The following CHFR variants were observed in gnomAD, a reference collection of about 807,000 sequenced individuals.
CHFR encodes the protein checkpoint with forkhead and ring finger domains.
Under a neutral mutation model 87.6 loss-of-function variants are expected in CHFR, and 57 were observed. The ratio of observed to expected loss-of-function variants is 0.65; its 90% CI spans 0.53 to 0.81. CHFR has a LOEUF of 0.81. Among genes scored for constraint, CHFR ranks in the 30% least tolerant of loss-of-function variants. CHFR has a pLI of 0.00. For synonymous variants in CHFR, 381 were observed against 359.2 expected (o/e 1.06, Z -0.69); for missense variants, 797 against 865.8 (o/e 0.92, Z 1.00).
rs1325326383 is a variant in CHFR, at chr12:132,835,581, G to A, written c.*5973C>T. 1.7e-5 allele frequency: 3 copies of A among 175,780 alleles called. No homozygotes were observed. Among genetic ancestry groups the A allele is most frequent in the Non-Finnish European group, 3.7e-5 (3 of 81,898 alleles). The allele number at this position is 175,780 out of a possible 1,614,324, so 10.9% of individuals were successfully genotyped here. A position where few individuals can be genotyped will look rare whatever the true frequency, so the allele number is the denominator to read the frequency against. On this transcript the variant is annotated 3_prime_UTR_variant, in exon 18 of 18. Transcript: ENST00000450056. ...CAAACACGCATGAAGAGAAGATGAC[G>A]TGAGAACTCAAGGAGATGCTGCCCA... is the stretch of plus-strand genomic sequence containing the variant.
chr12:132,844,323 C>T (rs11147106), intron 15 of CHFR, among the ~76,000 whole-genome samples, 189 bp from the exon 16 acceptor site: 31,365 of 152,166 alleles, frequency 0.21, 3,458 homozygotes, highest in African/African-American at 0.27. Flanking sequence ...CTCGCTCTGT[C>T]GCCCTGGCTG....
chr12:132,850,269 A>G (rs962581515), intron 12 of CHFR, among the ~76,000 whole-genome samples: 1 of 110,516 alleles, frequency 9.0e-6, no homozygotes, highest in Non-Finnish European at 2.2e-5. Context: ...CCTAAAATAT[A>G]ATGTTAGGTA....
At chr12:132,862,820 T>C (rs1046668495) in intron 6 of CHFR, among the ~76,000 whole-genome samples, 1 of 151,596 alleles carries the variant, frequency 6.6e-6, no homozygotes, top group Non-Finnish European at 1.5e-5. Context: ...GACCTCATGA[T>C]CCACCTGCCT....
At chr12:132,883,199 G>A (rs944172502) in intron 2 of CHFR, among the ~76,000 whole-genome samples, 1 of 151,880 alleles carries the variant, frequency 6.6e-6, no homozygotes, top group Admixed American at 6.6e-5. Flanking sequence ...AGGCCGAGGC[G>A]GGAGGATCAC....
intron 3 of CHFR, among the ~76,000 whole-genome samples, chr12:132,876,569 G>A (rs999711860): frequency 6.6e-6 from 1 of 152,142 alleles, no homozygotes; most frequent in African/African-American, 2.4e-5. Flanking sequence ...TTTAAAAAAT[G>A]ATTTTTTGAT....
Position 132,856,877 on chromosome 12 carries a change from C to T in CHFR, c.1067-247G>A, listed in dbSNP as rs143399245. On this transcript the variant is annotated intron_variant, in intron 9 of 17. Coordinates refer to ENST00000450056, the MANE Select transcript of CHFR (RefSeq NM_001161346.2). ...ATGCCTGGGTGCTGGTGTGTGGATG[C>T]CCTCACTTGCCTGGGTGCTGGTGGA... 7.8e-4 allele frequency among the ~76,000 whole-genome samples: 111 copies of T among 142,140 alleles called. 1 individual carries two copies. The East Asian group carries it at 0.022, about 28-fold the overall frequency. The allele number at this position is 142,140 out of a possible 152,430, so 93.2% of individuals were successfully genotyped here. A position where few individuals can be genotyped will look rare whatever the true frequency, so the allele number is the denominator to read the frequency against.
chr12:132,877,763 A>G (rs377654552), intron 2 of CHFR, 109 bp from the exon 3 acceptor site: 10 of 562,748 alleles, frequency 1.8e-5, no homozygotes, highest in Admixed American at 4.0e-5. Flanking sequence ...CCCATTGTAC[A>G]TATGTAAAAA....
intron 8 of CHFR, among the ~76,000 whole-genome samples, chr12:132,857,790 A>G (rs1951115802): frequency 6.6e-6 from 1 of 152,202 alleles, no homozygotes; most frequent in Non-Finnish European, 1.5e-5. Context: ...GAACACAAAC[A>G]ACAGAGACAG....
At chr12:132,887,381 C>A in intron 1 of CHFR, 41 bp from the exon 2 acceptor site, 1 of 1,263,718 alleles carries the variant, frequency 7.9e-7, no homozygotes, top group Non-Finnish European at 1.0e-6. Context: ...CTCCCGACCC[C>A]AGAGGCCGAG....
At chr12:132,855,115 G>A (rs1951036988) in intron 10 of CHFR, 1 of 151,960 alleles carries the variant, frequency 6.6e-6, no homozygotes, top group Admixed American at 6.6e-5. Context: ...GGTGGCATAT[G>A]CCCGTAATCC....
At chr12:132,862,044 A>G in intron 6 of CHFR, 1 of 205,158 alleles carries the variant, frequency 4.9e-6, no homozygotes, top group Non-Finnish European at 1.0e-5. Context: ...AGGCCGAAGC[A>G]AGTGGATCAC....
chr12:132,851,322 T>C (rs1950938143), intron 12 of CHFR, among the ~76,000 whole-genome samples: 1 of 152,022 alleles, frequency 6.6e-6, no homozygotes, highest in South Asian at 2.1e-4. Flanking sequence ...AACATTCATA[T>C]AAGAGGTTTA....
chr12:132,863,538 A>G (rs1951264797), intron 6 of CHFR, among the ~76,000 whole-genome samples: 1 of 152,028 alleles, frequency 6.6e-6, no homozygotes, highest in African/African-American at 2.4e-5. Context: ...CAAACAAACA[A>G]AAAAAAACAG....
intron 1 of CHFR, 66 bp downstream of exon 1, chr12:132,887,481 C>A: frequency 2.3e-6 from 1 of 430,948 alleles, no homozygotes; most frequent in South Asian, 8.9e-5. Context: ...GCGGGCGCCC[C>A]CTCCCACGGC....
intron 2 of CHFR, among the ~76,000 whole-genome samples, chr12:132,881,638 C>T (rs779469230): frequency 1.1e-4 from 16 of 152,078 alleles, no homozygotes; most frequent in Non-Finnish European, 1.8e-4. Flanking sequence ...GAGGCCGAGG[C>T]GGGCGGATCA....
chr12:132,864,533 G>C (rs1951290985), intron 6 of CHFR, among the ~76,000 whole-genome samples: 1 of 152,152 alleles, frequency 6.6e-6, no homozygotes, highest in Non-Finnish European at 1.5e-5. Context: ...CTGTCACCCA[G>C]GCTGGAGTGC....
At chr12:132,875,333 G>A (rs999556662) in intron 3 of CHFR, among the ~76,000 whole-genome samples, 2 of 152,192 alleles carry the variant, frequency 1.3e-5, no homozygotes, top group Non-Finnish European at 2.9e-5. Flanking sequence ...CCTGCCACTT[G>A]CAGCAGATTT....
intron 16 of CHFR, 90 bp from the exon 17 acceptor site, chr12:132,843,173 G>T: frequency 1.7e-6 from 2 of 1,181,292 alleles, no homozygotes; most frequent in Non-Finnish European, 2.5e-6. Flanking sequence ...AACGACAGAC[G>T]CTGCGGTGGA....
In CHFR at chr12:132,851,669, G is replaced by A. The variant is rs1187706335; in HGVS notation, c.1441C>T (p.Pro481Ser). 3.7e-6 allele frequency: 6 copies of A among 1,613,302 alleles called. No individual in the cohort carries two copies. Among genetic ancestry groups the A allele is most frequent in the Non-Finnish European group, 4.2e-6 (5 of 1,179,944 alleles). ...TGCTCGCGCTCCGCTCTCCGGTCGG[G>A]CATGGGCTGGAAGCAGCAGGTGCAC... ...ALCTCCFQPM[P>S]DRRAEREQDP... The change falls in exon 12 of 18, where the codon CCC becomes TCC. Residue 481 changes from proline to serine, a missense_variant. By Grantham distance (74) the Pro-to-Ser change is moderately conservative. This residue lies in a region of CHFR where 200 missense variants were observed against 264.6 expected (regional missense o/e 0.76). Coordinates refer to ENST00000450056, the MANE Select transcript of CHFR (RefSeq NM_001161346.2).
Sources: gnomAD v4.1 joint callset for allele counts (sites outside exome capture counted in the v4.1 genomes callset) on GRCh38, gnomAD v4.1.1 for gene constraint, gnomAD v4.1.1 regional missense constraint, MANE v1.5 for transcripts, NCBI Gene and HGNC (gene_info 2026-07-23, HGNC 2026-07-21) for gene names.